The following IMMP2L variants were observed in gnomAD, a reference collection of about 807,000 sequenced individuals.
The protein encoded by IMMP2L is inner mitochondrial membrane peptidase subunit 2, also known as mitochondrial inner membrane protease subunit 2.
A neutral mutation model predicts 19.3 loss-of-function variants in IMMP2L; 18 were observed. The ratio of observed to expected loss-of-function variants is 0.93; its 90% CI spans 0.64 to 1.38. IMMP2L has a LOEUF of 1.38. IMMP2L is among the 40% of genes most tolerant of loss of function. The pLI is 0.00. For synonymous variants in IMMP2L, 76 were observed against 73.0 expected, an observed-to-expected ratio of 1.04 and a Z score of -0.21; for missense variants, 233 against 218.2, an observed-to-expected ratio of 1.07 and a Z score of -0.43.
chr7:110,744,528 G>A (rs773681699), intron 5 of IMMP2L, among the ~76,000 whole-genome samples: 12 of 152,162 alleles, frequency 7.9e-5, no homozygotes, highest in Non-Finnish European at 1.5e-4. Flanking sequence ...GTGCCCCTCC[G>A]GGTTGAAGCT....
At position 110,886,636 on chromosome 7, in the gene IMMP2L, C is replaced by A; in HGVS notation, c.365G>T (p.Gly122Val). 6.2e-7 allele frequency: 1 copy of A among 1,610,460 alleles called. No individual in the cohort carries two copies. Among genetic ancestry groups the A allele is most frequent in the Non-Finnish European group, 8.5e-7 (1 of 1,176,864 alleles). Residue 122 changes from glycine (G) to valine (V), a missense_variant, in exon 5 of 6, where the codon GGT (glycine) becomes GTT (valine). Gly to Val is a moderately radical substitution (Grantham distance 109, BLOSUM62 -3). Transcript: ENST00000405709. ...KVPRGHIWVE[G>V]DHHGHSFDSN... ...GTCAAAACTGTGTCCATGATGATCA[C>A]CTTCAACCCAGATGTGACCACGGGG... is the stretch of plus-strand genomic sequence containing the variant.
intron 5 of IMMP2L, among the ~76,000 whole-genome samples, chr7:110,872,855 A>C (rs934563133): frequency 2.0e-5 from 3 of 152,210 alleles, no homozygotes; most frequent in Non-Finnish European, 4.4e-5. Flanking sequence ...AAAACTGCTC[A>C]TGCTCATGGC....
chr7:111,171,921 A>AGG (rs66724803), intron 3 of IMMP2L, among the ~76,000 whole-genome samples: 25 of 150,902 alleles, frequency 1.7e-4, no homozygotes, highest in Admixed American at 6.6e-4. Flanking sequence ...AGATGTGGTT[A>AGG]GGGGTGAAGA....
At chr7:111,469,873 T>C (rs1426951846) in intron 3 of IMMP2L, among the ~76,000 whole-genome samples, 1 of 151,892 alleles carries the variant, frequency 6.6e-6, no homozygotes, top group Non-Finnish European at 1.5e-5. Flanking sequence ...AATTGACAAA[T>C]GGGATCTAAT....
At chr7:111,126,691 TTCAG>T (rs781000511) in intron 3 of IMMP2L, among the ~76,000 whole-genome samples, 1 of 152,048 alleles carries the variant, frequency 6.6e-6, no homozygotes, top group African/African-American at 2.4e-5. Context: ...TTTTGAGGAT[TTCAG>T]TCATTTTTAC....
chr7:110,696,379 C>T (rs888070415), intron 5 of IMMP2L, among the ~76,000 whole-genome samples: 2 of 150,946 alleles, frequency 1.3e-5, no homozygotes, highest in African/African-American at 4.9e-5. Context: ...ACTCAGTATT[C>T]CAGGTAAGAG....
chr7:111,281,561 A>C (rs751001149), intron 3 of IMMP2L, among the ~76,000 whole-genome samples: 11 of 152,176 alleles, frequency 7.2e-5, no homozygotes, highest in Non-Finnish European at 1.2e-4. Context: ...CAACAGAGAC[A>C]CTTGGGAGGC....
chr7:111,106,592 C>G (rs575880214), intron 3 of IMMP2L, among the ~76,000 whole-genome samples: 1 of 150,404 alleles, frequency 6.6e-6, no homozygotes, highest in Non-Finnish European at 1.5e-5. Flanking sequence ...GGTGGAGACT[C>G]AAATAGGGCA....
chr7:111,473,131 G>A (rs1182926515), intron 3 of IMMP2L, among the ~76,000 whole-genome samples: 1 of 152,066 alleles, frequency 6.6e-6, no homozygotes, highest in Non-Finnish European at 1.5e-5. Flanking sequence ...TCCACTTCTT[G>A]AATATTTGCT....
intron 5 of IMMP2L, among the ~76,000 whole-genome samples, chr7:110,860,556 G>A (rs1807292745): frequency 6.6e-6 from 1 of 152,014 alleles, no homozygotes; most frequent in African/African-American, 2.4e-5. Flanking sequence ...TTTATAGTTA[G>A]TACAATAAAG....
chr7:111,408,873 GAGGA>G lies in IMMP2L; in HGVS notation c.239+78361_239+78364del, dbSNP rs993137639. Reference sequence around the variant, plus strand: ...TAATAAAACACAAAGCACAGATGTAGAGGAAGGAAGATATGTAACTAAAACCACA... The same window carrying G: ...TAATAAAACACAAAGCACAGATGTAGAGGAAGATATGTAACTAAAACCACA... On this transcript the variant is annotated intron_variant, in intron 3 of 5. Transcript: ENST00000405709. Among the ~76,000 whole-genome samples, 20 of 151,746 alleles carry G rather than the reference GAGGA, an allele frequency of 1.3e-4. 1 individual carries two copies. The highest frequency in any genetic ancestry group is 4.8e-4 in the African/African-American group (20 of 41,242).
intron 5 of IMMP2L, among the ~76,000 whole-genome samples, chr7:110,680,522 A>C (rs1308021165): frequency 6.6e-6 from 1 of 152,136 alleles, no homozygotes. Flanking sequence ...ACCCGAGAAA[A>C]ACTGACTTCT....
At chr7:110,839,607 T>G (rs1185893225) in intron 5 of IMMP2L, among the ~76,000 whole-genome samples, 1 of 152,086 alleles carries the variant, frequency 6.6e-6, no homozygotes, top group Non-Finnish European at 1.5e-5. Context: ...TTTAAGCACA[T>G]AAATGCTTAA....
At chr7:111,429,107 T>G (rs182751163) in intron 3 of IMMP2L, among the ~76,000 whole-genome samples, 1 of 151,786 alleles carries the variant, frequency 6.6e-6, no homozygotes, top group Admixed American at 6.6e-5. Flanking sequence ...GAACATGCAA[T>G]CCTTTTTTCT....
chr7:111,399,078 A>G (rs970861174), intron 3 of IMMP2L, among the ~76,000 whole-genome samples: 12 of 152,234 alleles, frequency 7.9e-5, no homozygotes, highest in African/African-American at 2.9e-4. Flanking sequence ...AATTCAAAGC[A>G]ATCTCCACCA....
rs559608783 is a variant in IMMP2L at position 111,372,500 on chromosome 7, A to G, written c.239+114738T>C. On this transcript the variant is annotated intron_variant, in intron 3 of 5. Coordinates refer to ENST00000405709, the MANE Select transcript of IMMP2L (RefSeq NM_032549.4). ...ACTGGCTACTATCACACAACCACAA[A>G]ATGAGCCACCTTACAAGGAAGCAGA... is the stretch of plus-strand genomic sequence containing the variant. 1.4e-4 allele frequency among the ~76,000 whole-genome samples: 22 copies of G among 152,066 alleles called. No individual in the cohort carries two copies. In the East Asian group the frequency reaches 4.3e-3, roughly 29 times the overall value.
intron 5 of IMMP2L, among the ~76,000 whole-genome samples, chr7:110,747,482 C>T (rs996433686): frequency 3.3e-5 from 5 of 152,112 alleles, no homozygotes; most frequent in African/African-American, 7.2e-5. Context: ...TGATGAACAT[C>T]GATGTCAAAA....
intron 3 of IMMP2L, among the ~76,000 whole-genome samples, chr7:111,160,272 C>T (rs1205214148): frequency 6.6e-6 from 1 of 151,982 alleles, no homozygotes; most frequent in East Asian, 1.9e-4. Context: ...AATATTATAA[C>T]GCTATAATAA....
chr7:110,973,041 T>C (rs916517289), intron 3 of IMMP2L, among the ~76,000 whole-genome samples: 1 of 151,884 alleles, frequency 6.6e-6, no homozygotes, highest in East Asian at 1.9e-4. Context: ...TTGCCAGAGA[T>C]TGTTGGTGGA....
Sources: gnomAD v4.1 joint callset for allele counts (sites outside exome capture counted in the v4.1 genomes callset) on GRCh38, gnomAD v4.1.1 for gene constraint, MANE v1.5 for transcripts, NCBI Gene and HGNC (gene_info 2026-07-23, HGNC 2026-07-21) for gene names.